Variants in MARCHF1 observed in about 807,000 individuals in gnomAD.
MARCHF1 encodes E3 ubiquitin-protein ligase MARCHF1.
In MARCHF1, 40 loss-of-function variants were observed where a neutral mutation model predicts 54.2. That is an observed-to-expected ratio of 0.74 (90% CI 0.57 to 0.96). MARCHF1 has a LOEUF of 0.96. Ranked by LOEUF, MARCHF1 falls within the 40% of genes least tolerant of loss-of-function variation. MARCHF1 has a pLI of 0.00. For missense variants in MARCHF1, 586 were observed against 656.5 expected (o/e 0.89, Z 1.17); for synonymous variants, 236 against 236.3 (o/e 1.00, Z 0.01).
At chr4:163,899,671 A>G (rs985854376) in intron 3 of MARCHF1, among the ~76,000 whole-genome samples, 1 of 151,952 alleles carries the variant, frequency 6.6e-6, no homozygotes, top group Non-Finnish European at 1.5e-5. Flanking sequence ...CTTCAGATCT[A>G]TATTTACTAT....
At chr4:163,867,624 C>T (rs1253013100) in intron 3 of MARCHF1, among the ~76,000 whole-genome samples, 3 of 151,652 alleles carry the variant, frequency 2.0e-5, no homozygotes, top group African/African-American at 7.3e-5. Flanking sequence ...CCAAGGCTTT[C>T]TTTTTTTGCA....
intron 7 of MARCHF1, among the ~76,000 whole-genome samples, chr4:163,608,934 T>G (rs1741234102): frequency 6.6e-6 from 1 of 152,056 alleles, no homozygotes. Flanking sequence ...TATATATCTT[T>G]TCTCCTACAC....
intron 4 of MARCHF1, among the ~76,000 whole-genome samples, chr4:163,765,807 G>C (rs1258278858): frequency 7.0e-6 from 1 of 142,498 alleles, no homozygotes; most frequent in Non-Finnish European, 1.5e-5. Context: ...ATCTTAAAGT[G>C]ATATACCGGA....
At chr4:163,703,694 G>C (rs1161776755) in intron 4 of MARCHF1, among the ~76,000 whole-genome samples, 5 of 152,046 alleles carry the variant, frequency 3.3e-5, no homozygotes, top group Non-Finnish European at 7.4e-5. Context: ...AGTAATGTTG[G>C]ATTTCAGCAT....
chr4:164,081,772 G>T (rs1462690718), intron 2 of MARCHF1, among the ~76,000 whole-genome samples: 1 of 152,048 alleles, frequency 6.6e-6, no homozygotes, highest in East Asian at 1.9e-4. Flanking sequence ...CAGATCATTG[G>T]TCCTTGTGAG....
Position 163,650,602 on chromosome 4 carries a change from T to C in MARCHF1, c.163-37209A>G, listed in dbSNP as rs1284208097. ...TTAGTTCTCTTCTTTCTTAAGATTG[T>C]TGCTGAAAATTAAATTCCACAGAAA... On this transcript the variant is annotated intron_variant, in intron 5 of 9. Transcript: ENST00000514618. 3.9e-5 allele frequency among the ~76,000 whole-genome samples: 6 copies of C among 152,140 alleles called. 1 individual carries two copies. Among genetic ancestry groups the C allele is most frequent in the African/African-American group, 1.4e-4 (6 of 41,560 alleles).
chr4:163,625,533 C>T (rs1483763749), intron 5 of MARCHF1, among the ~76,000 whole-genome samples: 1 of 152,166 alleles, frequency 6.6e-6, no homozygotes, highest in Non-Finnish European at 1.5e-5. Flanking sequence ...CCAAGTTGAA[C>T]TGACCTGGGT....
chr4:163,701,563 C>G (rs1744809649), intron 4 of MARCHF1, among the ~76,000 whole-genome samples: 1 of 151,928 alleles, frequency 6.6e-6, no homozygotes, highest in African/African-American at 2.4e-5. Context: ...GTAGTTGGGC[C>G]CTCCCGTTTG....
chr4:163,939,813 C>T (rs1018529258), intron 3 of MARCHF1, among the ~76,000 whole-genome samples: 16 of 151,996 alleles, frequency 1.1e-4, no homozygotes, highest in African/African-American at 7.3e-5. Context: ...CATAACATGC[C>T]GAACTATTAA....
At chr4:164,149,444 GA>G (rs1729871069) in intron 1 of MARCHF1, among the ~76,000 whole-genome samples, 1 of 152,170 alleles carries the variant, frequency 6.6e-6, no homozygotes, top group South Asian at 2.1e-4. Context: ...AGTGGAGTAA[GA>G]AGACGTTTAA....
rs145740021 is a variant in MARCHF1, at chr4:163,838,408, T to C, written c.111+15613A>G. 3.2e-3 allele frequency among the ~76,000 whole-genome samples: 487 copies of C among 152,186 alleles called. 4 individuals carry two copies. The highest frequency in any genetic ancestry group is 0.011 in the African/African-American group (457 of 41,542). ...CTGTACATGTTCAGTATAGACACAA[T>C]TTTTTTCTATTTTGGCTCCAACATT... On this transcript the variant is annotated intron_variant, in intron 4 of 9. Transcript: ENST00000514618.
At chr4:163,741,737 A>G (rs905054845) in intron 4 of MARCHF1, among the ~76,000 whole-genome samples, 4 of 152,194 alleles carry the variant, frequency 2.6e-5, no homozygotes, top group Non-Finnish European at 4.4e-5. Flanking sequence ...CTGGCTTGAA[A>G]TAGAGAGGAT....
chr4:163,843,486 G>T (rs1749397664), intron 4 of MARCHF1, among the ~76,000 whole-genome samples: 1 of 151,920 alleles, frequency 6.6e-6, no homozygotes, highest in East Asian at 1.9e-4. Flanking sequence ...CACCAGCAGT[G>T]TATCTGTGCT....
At chr4:163,535,767 T>C (rs1183866241) in intron 9 of MARCHF1, among the ~76,000 whole-genome samples, 2 of 142,346 alleles carry the variant, frequency 1.4e-5, no homozygotes, top group Non-Finnish European at 3.1e-5. Context: ...TTTTTTTTTT[T>C]CTTAAGTTCC....
chr4:163,620,695 A>G (rs1313239554), intron 5 of MARCHF1, among the ~76,000 whole-genome samples: 2 of 152,066 alleles, frequency 1.3e-5, no homozygotes, highest in Non-Finnish European at 2.9e-5. Flanking sequence ...TAGGAGAAAA[A>G]TAAAGTTTCA....
chr4:163,589,760 A>C, intron 7 of MARCHF1, among the ~76,000 whole-genome samples: 1 of 152,106 alleles, frequency 6.6e-6, no homozygotes, highest in East Asian at 1.9e-4. Flanking sequence ...ATGGCAAAAT[A>C]TTCGTAATTT....
chr4:163,740,208 C>T (rs923839873), intron 4 of MARCHF1, among the ~76,000 whole-genome samples: 1 of 152,186 alleles, frequency 6.6e-6, no homozygotes, highest in Non-Finnish European at 1.5e-5. Flanking sequence ...CAACCTCCCA[C>T]TAACTTACTG....
chr4:164,044,880 C>G (rs951436555), intron 2 of MARCHF1, among the ~76,000 whole-genome samples: 3 of 151,888 alleles, frequency 2.0e-5, no homozygotes, highest in Non-Finnish European at 2.9e-5. Context: ...AAAATAACTA[C>G]CATGGTGTCA....
At chr4:163,848,291 G>T (rs891864462) in intron 4 of MARCHF1, among the ~76,000 whole-genome samples, 5 of 152,104 alleles carry the variant, frequency 3.3e-5, no homozygotes, top group African/African-American at 1.2e-4. Context: ...CTGAGCTGAT[G>T]AACATATGTT....
Sources: gnomAD v4.1 joint callset for allele counts (sites outside exome capture counted in the v4.1 genomes callset) on GRCh38, gnomAD v4.1.1 for gene constraint, MANE v1.5 for transcripts, NCBI Gene and HGNC (gene_info 2026-07-23, HGNC 2026-07-21) for gene names.